Variants in INPP4B observed in about 807,000 individuals in gnomAD.
INPP4B encodes the protein inositol polyphosphate-4-phosphatase type II B, also known as inositol polyphosphate 4-phosphatase type II.
INPP4B carries 55 observed loss-of-function variants against 122.5 expected under a neutral mutation model. That is an observed-to-expected ratio of 0.45 (90% CI 0.36 to 0.56). The LOEUF (loss-of-function observed/expected upper bound fraction) is 0.56, where lower values mean the gene tolerates loss of function less well. Among genes scored for constraint, INPP4B ranks in the 20% least tolerant of loss-of-function variants. The pLI, the probability that INPP4B is intolerant of heterozygous loss-of-function variation, is 0.00. For missense variants in INPP4B, 1,000 were observed against 1,097.7 expected, an observed-to-expected ratio of 0.91 and a Z score of 1.26; for synonymous variants, 403 against 388.7, an observed-to-expected ratio of 1.04 and a Z score of -0.43.
chr4:142,654,893 T>C (rs2150559034), intron 2 of INPP4B, among the ~76,000 whole-genome samples: 1 of 152,190 alleles, frequency 6.6e-6, no homozygotes, highest in South Asian at 2.1e-4. Context: ...CCCAAGCCAG[T>C]CCAATACACA....
intron 1 of INPP4B, among the ~76,000 whole-genome samples, chr4:142,798,390 T>A (rs535305707): frequency 6.6e-6 from 1 of 151,910 alleles, no homozygotes; most frequent in African/African-American, 2.4e-5. Flanking sequence ...TTACTTAGAG[T>A]TAAAGCATGA....
intron 2 of INPP4B, among the ~76,000 whole-genome samples, chr4:142,630,888 T>C (rs1361277849): frequency 6.6e-6 from 1 of 152,078 alleles, no homozygotes; most frequent in East Asian, 1.9e-4. Context: ...AACATCTCTT[T>C]ACTGGGACCG....
chr4:142,272,413 T>A (rs1746307502), intron 9 of INPP4B, among the ~76,000 whole-genome samples: 1 of 151,966 alleles, frequency 6.6e-6, no homozygotes, highest in South Asian at 2.1e-4. Context: ...AATAAAAAAA[T>A]TAAAAATAAA....
At chr4:142,158,276 A>T (rs1320972063) in intron 17 of INPP4B, among the ~76,000 whole-genome samples, 1 of 152,038 alleles carries the variant, frequency 6.6e-6, no homozygotes, top group Non-Finnish European at 1.5e-5. Context: ...TTCTGGCAAC[A>T]CCACTATGGC....
intron 2 of INPP4B, among the ~76,000 whole-genome samples, chr4:142,686,595 C>A (rs775127097): frequency 2.0e-5 from 3 of 152,072 alleles, no homozygotes. Flanking sequence ...ATTGTTACAT[C>A]TTTGACATTT....
intron 2 of INPP4B, among the ~76,000 whole-genome samples, chr4:142,464,683 C>T (rs1817423791): frequency 6.6e-6 from 1 of 150,856 alleles, no homozygotes; most frequent in Non-Finnish European, 1.5e-5. Flanking sequence ...AAAGAAAATA[C>T]AAACCATCTG....
chr4:142,200,327 T>C (rs541931607), intron 14 of INPP4B, among the ~76,000 whole-genome samples: 2 of 152,046 alleles, frequency 1.3e-5, no homozygotes, highest in East Asian at 3.9e-4. Flanking sequence ...TCCAGAATCA[T>C]CTTGTATTTT....
chr4:142,522,522 T>C (rs1263216391), intron 2 of INPP4B, among the ~76,000 whole-genome samples: 1 of 151,960 alleles, frequency 6.6e-6, no homozygotes. Flanking sequence ...TCCAGTGATA[T>C]TTCTTGGTTA....
chr4:142,720,138 A>G (rs2150833148), intron 2 of INPP4B, among the ~76,000 whole-genome samples: 1 of 152,346 alleles, frequency 6.6e-6, no homozygotes. Context: ...CTGGAAGTAA[A>G]AATAACTTGT....
chr4:142,554,236 C>T (rs904853643), intron 2 of INPP4B, among the ~76,000 whole-genome samples: 4 of 150,808 alleles, frequency 2.7e-5, no homozygotes, highest in Non-Finnish European at 3.0e-5. Context: ...TCATCCACTT[C>T]CTTCCACTCC....
At chr4:142,416,281 G>A (rs1038854016) in intron 5 of INPP4B, among the ~76,000 whole-genome samples, 5 of 152,070 alleles carry the variant, frequency 3.3e-5, no homozygotes, top group Non-Finnish European at 4.4e-5. Context: ...GTAGCAAGCC[G>A]ACAGGGAGGC....
chr4:142,649,015 A>G (rs538838022), intron 2 of INPP4B, among the ~76,000 whole-genome samples: 2 of 152,182 alleles, frequency 1.3e-5, no homozygotes, highest in Non-Finnish European at 2.9e-5. Flanking sequence ...ATCAGGCAGC[A>G]ATTTTTGCTG....
chr4:142,066,305 G>A (rs960834946), intron 25 of INPP4B, among the ~76,000 whole-genome samples: 1 of 152,024 alleles, frequency 6.6e-6, no homozygotes, highest in Non-Finnish European at 1.5e-5. Flanking sequence ...TAAATGGGTG[G>A]GTGTTATAGT....
At chr4:142,624,461 G>T (rs990389945) in intron 2 of INPP4B, among the ~76,000 whole-genome samples, 3 of 151,934 alleles carry the variant, frequency 2.0e-5, no homozygotes, top group Admixed American at 2.0e-4. Flanking sequence ...GTAGATGCTG[G>T]ATATTAGCCC....
At chr4:142,586,927 G>A (rs1736343181) in intron 2 of INPP4B, among the ~76,000 whole-genome samples, 1 of 152,150 alleles carries the variant, frequency 6.6e-6, no homozygotes, top group Non-Finnish European at 1.5e-5. Flanking sequence ...GTGCTTGTTA[G>A]TAAGACTACA....
Position 142,694,094 on chromosome 4 carries a change from T to A in INPP4B, c.-191+31745A>T, listed in dbSNP as rs1182483068. On this transcript the variant is annotated intron_variant, in intron 2 of 25. Transcript: ENST00000262992. Reference sequence around the variant, plus strand: ...AAATTTTTTAAAAAAGAAAGCTGACTGGGCATGGTGGCTCACACCTGTAAT... The same window carrying A: ...AAATTTTTTAAAAAAGAAAGCTGACAGGGCATGGTGGCTCACACCTGTAAT... 5.9e-5 allele frequency among the ~76,000 whole-genome samples: 9 copies of A among 152,202 alleles called. No individual in the cohort carries two copies. The East Asian group carries it at 1.7e-3, about 29-fold the overall frequency.
chr4:142,584,240 C>T (rs1263221008), intron 2 of INPP4B, among the ~76,000 whole-genome samples: 10 of 152,118 alleles, frequency 6.6e-5, no homozygotes, highest in Admixed American at 4.6e-4. Context: ...TCCCATATAT[C>T]CCATGGCCAG....
At chr4:142,564,453 AAGAAAGAAAG>A (rs763710330) in intron 2 of INPP4B, among the ~76,000 whole-genome samples, 7,738 of 122,466 alleles carry the variant, frequency 0.063, 367 homozygotes, top group African/African-American at 0.14. Context: ...AAAAAAAAAA[AAGAAAGAAAG>A]AAAGAAAGAA....
At chr4:142,629,571 G>T (rs769750878) in intron 2 of INPP4B, among the ~76,000 whole-genome samples, 1 of 151,894 alleles carries the variant, frequency 6.6e-6, no homozygotes, top group Non-Finnish European at 1.5e-5. Flanking sequence ...GTTAAGCTGG[G>T]TCTTTACAAT....
Sources: allele counts gnomAD v4.1 joint callset (sites outside exome capture counted in the v4.1 genomes callset), GRCh38; gene constraint gnomAD v4.1.1; transcripts MANE v1.5; gene names NCBI Gene and HGNC (gene_info 2026-07-23, HGNC 2026-07-21).